The following RAP1GAP variants were observed in gnomAD, a reference collection of about 807,000 sequenced individuals.
RAP1GAP encodes RAP1 GTPase activating protein.
Under a neutral mutation model 87.2 loss-of-function variants are expected in RAP1GAP, and 35 were observed. That is an observed-to-expected ratio of 0.40 (90% CI 0.31 to 0.53). The LOEUF (loss-of-function observed/expected upper bound fraction) is 0.53, where lower values mean the gene tolerates loss of function less well. RAP1GAP is among the 20% of genes least tolerant of loss of function. RAP1GAP has a pLI of 0.48. For synonymous variants in RAP1GAP, 375 were observed against 363.9 expected (o/e 1.03, Z -0.35); for missense variants, 734 against 898.9 (o/e 0.82, Z 2.35).
intron 16 of RAP1GAP, 137 bp downstream of exon 16, chr1:21,608,713 C>A: frequency 1.2e-6 from 1 of 845,630 alleles, no homozygotes; most frequent in South Asian, 1.6e-5. Context: ...TCCTACTCGT[C>A]CATCAATCCA....
At chr1:21,651,936 G>T (rs1192578096) in intron 1 of RAP1GAP, 7 of 887,012 alleles carry the variant, frequency 7.9e-6, no homozygotes, top group African/African-American at 1.8e-5. Context: ...GCTCGGATAC[G>T]TCCGCGCCCC....
At chr1:21,654,807 G>T (rs992603086) in intron 1 of RAP1GAP, among the ~76,000 whole-genome samples, 1 of 150,880 alleles carries the variant, frequency 6.6e-6, no homozygotes, top group East Asian at 2.0e-4. Flanking sequence ...ACTCCAGCCT[G>T]GGTGACAGAG....
chr1:21,620,950 T>A (rs1242255279), intron 3 of RAP1GAP, among the ~76,000 whole-genome samples: 1 of 152,168 alleles, frequency 6.6e-6, no homozygotes, highest in African/African-American at 2.4e-5. Flanking sequence ...ACCACGTATA[T>A]GTTTCGTGTA....
intron 2 of RAP1GAP, among the ~76,000 whole-genome samples, chr1:21,641,930 TGCA>T (rs2095559828): frequency 6.6e-6 from 1 of 152,228 alleles, no homozygotes; most frequent in African/African-American, 2.4e-5. Flanking sequence ...TCTTCCCTCC[TGCA>T]GCATGGGGTC....
rs60956284 is a variant in RAP1GAP, at chr1:21,661,252, C to CAA, written c.-149+8000_-149+8001dup. 2.0e-3 allele frequency among the ~76,000 whole-genome samples: 254 copies of CAA among 127,348 alleles called. 4 individuals are homozygous for CAA. In the East Asian group the frequency reaches 0.035, roughly 17 times the overall value. The allele number at this position is 127,348 out of a possible 152,430, so 83.5% of individuals were successfully genotyped here. A position where few individuals can be genotyped will look rare whatever the true frequency, so the allele number is the denominator to read the frequency against. ...GGGCAACAGAGCAAGACTCTGTCTCCAAAAAAAAAAAAAAAGGAGGGAGAC... is the reference window on the plus strand; with the variant it reads ...GGGCAACAGAGCAAGACTCTGTCTCCAAAAAAAAAAAAAAAAAGGAGGGAGAC... On this transcript the variant is annotated intron_variant, in intron 1 of 24. Transcript: ENST00000374765.
Position 21,602,867 on chromosome 1 carries a change from G to A in RAP1GAP, c.1475C>T (p.Pro492Leu), listed in dbSNP as rs779304958. 5.6e-6 allele frequency: 9 copies of A among 1,609,766 alleles called. No individual in the cohort carries two copies. Among genetic ancestry groups the A allele is most frequent in the Non-Finnish European group, 6.8e-6 (8 of 1,179,636 alleles). The change falls in exon 19 of 25, where the codon CCG becomes CTG. Residue 492 changes from proline to leucine, a missense_variant. Transcript: ENST00000374765. ...GKSPTRKKSG[P>L]FGSRRSSAIG... ...GGCGCTGCTGCGGCGGGAGCCGAAC[G>A]GGCCCGACTTCTTCCTCGTGGGGCT...
At chr1:21,611,213 T>C (rs2078020888) in intron 13 of RAP1GAP, among the ~76,000 whole-genome samples, 1 of 152,214 alleles carries the variant, frequency 6.6e-6, no homozygotes, top group Non-Finnish European at 1.5e-5. Context: ...TAGGCACTGT[T>C]CTAGTCCCTC....
intron 22 of RAP1GAP, 156 bp downstream of exon 22, chr1:21,598,244 C>T: frequency 1.3e-6 from 1 of 790,012 alleles, no homozygotes; most frequent in Non-Finnish European, 2.0e-6. Flanking sequence ...ATCCACCCAG[C>T]CACCCTAGGC....
chr1:21,667,902 C>T (rs930741767), intron 1 of RAP1GAP, among the ~76,000 whole-genome samples: 10 of 152,316 alleles, frequency 6.6e-5, no homozygotes, highest in Admixed American at 3.3e-4. Flanking sequence ...TCAAGGAACA[C>T]GCACCCCTTA....
chr1:21,598,625 G>T, intron 21 of RAP1GAP, 123 bp from the exon 22 acceptor site: 1 of 789,942 alleles, frequency 1.3e-6, no homozygotes, highest in Non-Finnish European at 2.1e-6. Context: ...TCTGCGAGGA[G>T]GACGGGCCTA....
chr1:21,634,793 T>C lies in RAP1GAP; in HGVS notation c.-112-8396A>G. On this transcript the variant is annotated intron_variant, in intron 2 of 24. Coordinates refer to ENST00000374765, the MANE Select transcript of RAP1GAP (RefSeq NM_002885.4). The surrounding 1 kb of genome is among the most constrained non-coding windows in gnomAD (Gnocchi z 4.1). ...TCTATCCAGCATCTGTCTCCCTTGCTCAGGTGGCCTGAGCCCCACTGTGGC... is the reference window on the plus strand; with the variant it reads ...TCTATCCAGCATCTGTCTCCCTTGCCCAGGTGGCCTGAGCCCCACTGTGGC... The C allele has an allele frequency of 2.2e-6, 1 of 456,616 alleles. No homozygotes were observed. The highest frequency in any genetic ancestry group is 4.5e-6 in the Non-Finnish European group (1 of 224,590). The allele number at this position is 456,616 out of a possible 1,614,324, so 28.3% of individuals were successfully genotyped here. A position where few individuals can be genotyped will look rare whatever the true frequency, so the allele number is the denominator to read the frequency against.
chr1:21,637,397 A>G (rs978651088), intron 2 of RAP1GAP, among the ~76,000 whole-genome samples: 14 of 151,238 alleles, frequency 9.3e-5, no homozygotes, highest in African/African-American at 2.7e-4. Context: ...CAAGTGATCC[A>G]CCTGCCTCAG....
chr1:21,614,463 G>A (rs965196791), intron 7 of RAP1GAP, among the ~76,000 whole-genome samples: 1 of 152,214 alleles, frequency 6.6e-6, no homozygotes, highest in Non-Finnish European at 1.5e-5. Context: ...GGACCTGCAT[G>A]CCTGTCTTCA....
chr1:21,607,987 G>A (rs1269956716), intron 17 of RAP1GAP, among the ~76,000 whole-genome samples: 11 of 150,244 alleles, frequency 7.3e-5, no homozygotes, highest in Admixed American at 7.3e-4. Context: ...GCCCCAGTCC[G>A]GGACTTCGCC....
chr1:21,650,452 A>G (rs3767119), intron 1 of RAP1GAP, among the ~76,000 whole-genome samples: 131,714 of 152,088 alleles, frequency 0.87, 57,261 homozygotes, highest in East Asian at 0.97. Context: ...CGCCCCGCCC[A>G]GATTCTCCTA....
At chr1:21,638,659 G>A (rs1463276144) in intron 2 of RAP1GAP, among the ~76,000 whole-genome samples, 1 of 152,136 alleles carries the variant, frequency 6.6e-6, no homozygotes, top group East Asian at 1.9e-4. Context: ...AGGAACTTCT[G>A]CTTTCTGTGG....
intron 2 of RAP1GAP, among the ~76,000 whole-genome samples, chr1:21,627,769 C>T (rs750410890): frequency 5.3e-5 from 8 of 152,106 alleles, no homozygotes; most frequent in East Asian, 1.9e-4. Context: ...AGAAATGGCC[C>T]GGAGGAACCA....
At chr1:21,611,300 CT>C in intron 13 of RAP1GAP, 151 bp downstream of exon 13, 1 of 1,172,672 alleles carries the variant, frequency 8.5e-7, no homozygotes, top group Non-Finnish European at 1.2e-6. Context: ...TCTGTCTCCC[CT>C]GACCCAACGA....
chr1:21,640,984 G>A (rs1408890952), intron 2 of RAP1GAP, among the ~76,000 whole-genome samples: 1 of 151,700 alleles, frequency 6.6e-6, no homozygotes, highest in African/African-American at 2.4e-5. Flanking sequence ...CTCGGCTCAT[G>A]GTAATCTCCA....
Sources: allele counts gnomAD v4.1 joint callset (sites outside exome capture counted in the v4.1 genomes callset), GRCh38; gene constraint gnomAD v4.1.1; non-coding constraint Gnocchi (gnomAD v3.1); transcripts MANE v1.5; gene names NCBI Gene and HGNC (gene_info 2026-07-23, HGNC 2026-07-21).